NELL1: variants seen among roughly 807,000 people sequenced by gnomAD.
NELL1 encodes the protein neural EGFL like 1.
A neutral mutation model predicts 107.4 loss-of-function variants in NELL1; 76 were observed. The observed-to-expected ratio is 0.71, with a 90% CI of 0.59 to 0.86. The LOEUF (loss-of-function observed/expected upper bound fraction) is 0.86, where lower values mean the gene tolerates loss of function less well. Among genes scored for constraint, NELL1 ranks in the 40% least tolerant of loss-of-function variants. NELL1 has a pLI of 0.00. For missense variants in NELL1, 1,024 were observed against 1,005.5 expected, an observed-to-expected ratio of 1.02 and a Z score of -0.25; for synonymous variants, 353 against 341.2, an observed-to-expected ratio of 1.03 and a Z score of -0.38.
In NELL1 at chr11:20,840,812, T is replaced by G. The variant is rs564371577; in HGVS notation, c.336-6771T>G. On this transcript the variant is annotated intron_variant, in intron 3 of 19. Transcript: ENST00000357134. The stretch of plus-strand genomic sequence containing the variant: ...AAGGTAAGGAATGTGAAATTCGCAT[T>G]GTAGAAGAGTATGCCAGATGGGAGA... Among the ~76,000 whole-genome samples the G allele has an allele frequency of 2.0e-4, 31 of 152,330 alleles. No homozygotes were observed. In the South Asian group the frequency reaches 6.2e-3, roughly 31 times the overall value.
chr11:21,399,237 T>A (rs1447833842), intron 15 of NELL1, among the ~76,000 whole-genome samples: 2 of 151,692 alleles, frequency 1.3e-5, no homozygotes, highest in Admixed American at 6.6e-5. Context: ...TTGTGACTGA[T>A]GAGTAGGGAG....
intron 14 of NELL1, among the ~76,000 whole-genome samples, chr11:21,333,877 A>G (rs1850326045): frequency 6.6e-6 from 1 of 151,926 alleles, no homozygotes; most frequent in South Asian, 2.1e-4. Flanking sequence ...ATTTTACTGG[A>G]ATTGGAGTTG....
chr11:21,333,512 C>T (rs527873321), intron 14 of NELL1, among the ~76,000 whole-genome samples: 1 of 152,106 alleles, frequency 6.6e-6, no homozygotes, highest in Admixed American at 6.6e-5. Flanking sequence ...AATTAAATAG[C>T]ATAATGTGGA....
At chr11:20,714,318 C>T (rs1397258423) in intron 2 of NELL1, among the ~76,000 whole-genome samples, 2 of 149,998 alleles carry the variant, frequency 1.3e-5, no homozygotes, top group Non-Finnish European at 3.0e-5. Flanking sequence ...GTTCTCCTGC[C>T]TCAGCCTCCT....
At chr11:21,549,498 C>A (rs151242153) in intron 16 of NELL1, among the ~76,000 whole-genome samples, 1,735 of 151,924 alleles carry the variant, frequency 0.011, 13 homozygotes, top group Middle Eastern at 0.02. Context: ...TCCAAGAGAA[C>A]GAATTGTGTC....
chr11:21,256,672 T>C (rs1392680930), intron 14 of NELL1, among the ~76,000 whole-genome samples: 2 of 152,052 alleles, frequency 1.3e-5, no homozygotes, highest in Non-Finnish European at 2.9e-5. Context: ...ATGTGACTAC[T>C]CACATAGTGT....
intron 12 of NELL1, among the ~76,000 whole-genome samples, chr11:21,063,645 A>G (rs2134366513): frequency 6.6e-6 from 1 of 152,338 alleles, no homozygotes; most frequent in African/African-American, 2.4e-5. Context: ...TGAAACAAAG[A>G]CCAGACAAAT....
At chr11:21,144,724 A>C (rs1855940361) in intron 13 of NELL1, among the ~76,000 whole-genome samples, 1 of 152,230 alleles carries the variant, frequency 6.6e-6, no homozygotes, top group Non-Finnish European at 1.5e-5. Context: ...GGTAGAAGAC[A>C]CTGAATAACA....
At chr11:20,988,165 C>T (rs1851889959) in intron 12 of NELL1, among the ~76,000 whole-genome samples, 1 of 152,052 alleles carries the variant, frequency 6.6e-6, no homozygotes, top group African/African-American at 2.4e-5. Context: ...GCAATAAATT[C>T]CCCTTTGCCT....
intron 14 of NELL1, among the ~76,000 whole-genome samples, chr11:21,313,346 C>A (rs938774558): frequency 1.3e-5 from 2 of 152,076 alleles, no homozygotes; most frequent in Non-Finnish European, 2.9e-5. Flanking sequence ...TGGGATAATT[C>A]TCAATTTTGA....
Position 20,780,742 on chromosome 11 carries a change from A to G in NELL1, c.185-2938A>G, listed in dbSNP as rs1291371043. Among the ~76,000 whole-genome samples the G allele has an allele frequency of 4.6e-5, 7 of 152,222 alleles. 1 individual carries two copies. Among genetic ancestry groups the G allele is most frequent in the Admixed American group, 4.6e-4 (7 of 15,282 alleles). ...TTGGAGAGGCCAGAAGATTGCATTTACAGTGAAAGCTGAAGGAGAAGGAGT... is the reference window on the plus strand; with the variant it reads ...TTGGAGAGGCCAGAAGATTGCATTTGCAGTGAAAGCTGAAGGAGAAGGAGT... On this transcript the variant is annotated intron_variant, in intron 2 of 19. Transcript: ENST00000357134.
chr11:21,423,600 A>G (rs1852747023), intron 15 of NELL1, among the ~76,000 whole-genome samples: 1 of 152,170 alleles, frequency 6.6e-6, no homozygotes, highest in South Asian at 2.1e-4. Context: ...AAGGAGAGAG[A>G]CTTGAATAAC....
rs1441206079 is a variant in NELL1, at chr11:21,010,880, G to T, written c.1300+50320G>T. Among the ~76,000 whole-genome samples, 9 of 152,024 alleles carry T rather than the reference G, an allele frequency of 5.9e-5. No homozygotes were observed. In the East Asian group the frequency reaches 1.7e-3, roughly 29 times the overall value. The stretch of plus-strand genomic sequence containing the variant: ...CTTGTAAAGTACTGTTCTACCTTGG[G>T]CTGCCCAGCCCCCTTTCTGTTCAGT... On this transcript the variant is annotated intron_variant, in intron 12 of 19. Coordinates refer to ENST00000357134, the MANE Select transcript of NELL1 (RefSeq NM_006157.5).
At chr11:21,406,153 G>A (rs1852229519) in intron 15 of NELL1, among the ~76,000 whole-genome samples, 1 of 151,942 alleles carries the variant, frequency 6.6e-6, no homozygotes, top group African/African-American at 2.4e-5. Context: ...AAGAGAGAGA[G>A]AGATAAAAAA....
intron 12 of NELL1, among the ~76,000 whole-genome samples, chr11:20,994,703 A>C (rs894640014): frequency 6.6e-6 from 1 of 152,182 alleles, no homozygotes; most frequent in Non-Finnish European, 1.5e-5. Flanking sequence ...TTGTACTTAC[A>C]TTTTATATTA....
intron 15 of NELL1, among the ~76,000 whole-genome samples, chr11:21,376,539 T>C (rs1311575746): frequency 6.6e-6 from 1 of 152,100 alleles, no homozygotes; most frequent in Non-Finnish European, 1.5e-5. Flanking sequence ...GTCTTTTTGT[T>C]TCGGTTCCAA....
At chr11:21,045,290 G>A (rs1282205131) in intron 12 of NELL1, among the ~76,000 whole-genome samples, 1 of 152,132 alleles carries the variant, frequency 6.6e-6, no homozygotes, top group Non-Finnish European at 1.5e-5. Context: ...ATGATAAGGC[G>A]AGGGTGTGAA....
chr11:20,846,611 C>T (rs952725402), intron 3 of NELL1, among the ~76,000 whole-genome samples: 1 of 152,146 alleles, frequency 6.6e-6, no homozygotes, highest in African/African-American at 2.4e-5. Flanking sequence ...AAAGTGCATA[C>T]ACTGTCAAAT....
intron 14 of NELL1, among the ~76,000 whole-genome samples, chr11:21,337,880 T>A (rs539885909): frequency 6.6e-6 from 1 of 150,458 alleles, no homozygotes; most frequent in African/African-American, 2.5e-5. Flanking sequence ...TTTCTTTCTT[T>A]CTTTCAGTGC....
Sources: allele counts gnomAD v4.1 joint callset (sites outside exome capture counted in the v4.1 genomes callset), GRCh38; gene constraint gnomAD v4.1.1; transcripts MANE v1.5; gene names NCBI Gene and HGNC (gene_info 2026-07-23, HGNC 2026-07-21).